The following BSX variants were observed in gnomAD, a reference collection of about 807,000 sequenced individuals.
BSX encodes the protein brain specific homeobox, also known as brain-specific homeobox protein homolog.
A neutral mutation model predicts 16.9 loss-of-function variants in BSX; 12 were observed. The ratio of observed to expected loss-of-function variants is 0.71; its 90% CI spans 0.46 to 1.15. The LOEUF is 1.15. Ranked by LOEUF, BSX falls within the 50% of genes most tolerant of loss-of-function variation. The pLI is 0.00. For missense variants in BSX, 292 were observed against 311.8 expected (o/e 0.94, Z 0.48); for synonymous variants, 160 against 136.4 (o/e 1.17, Z -1.20).
intron 2 of BSX, among the ~76,000 whole-genome samples, chr11:122,978,310 A>T (rs1216816257): frequency 6.6e-6 from 1 of 152,206 alleles, no homozygotes; most frequent in Non-Finnish European, 1.5e-5. Flanking sequence ...GGCAGAGCTA[A>T]TGATTTCATA....
At chr11:122,979,567 C>T (rs1864543405) in intron 1 of BSX, 110 bp from the exon 2 acceptor site, 4 of 854,398 alleles carry the variant, frequency 4.7e-6, no homozygotes, top group South Asian at 3.5e-5. Flanking sequence ...CGCCCCTCGC[C>T]TCCGTCAGTC....
At chr11:122,981,385 A>G (rs1378140532) in intron 1 of BSX, 25 bp downstream of exon 1, 4 of 1,497,616 alleles carry the variant, frequency 2.7e-6, no homozygotes, top group Middle Eastern at 1.8e-4. Flanking sequence ...CTCACTGCCC[A>G]TACCTTGAGG....
chr11:122,980,884 T>C (rs1315229157), intron 1 of BSX, among the ~76,000 whole-genome samples: 1 of 152,148 alleles, frequency 6.6e-6, no homozygotes, highest in Non-Finnish European at 1.5e-5. Flanking sequence ...TTCTGTCTTA[T>C]TCAGGCTAGC....
Position 122,981,829 on chromosome 11 carries a change from G to A in BSX, c.-158C>T. The A allele has an allele frequency of 4.3e-6, 3 of 703,986 alleles. No individual in the cohort carries two copies. The highest frequency in any genetic ancestry group is 2.8e-5 in the East Asian group (1 of 35,368). 43.6% of individuals were successfully genotyped at this position (703,986 alleles called of 1,614,324 possible). On this transcript the variant is annotated 5_prime_UTR_variant, in exon 1 of 3. Coordinates refer to ENST00000343035, the MANE Select transcript of BSX (RefSeq NM_001098169.2). ...GCTACCCCGGGCGCTGGAGAGGCAA[G>A]AAGACAAGCTCCTGGGTAGGTTGGG...
At chr11:122,978,191 A>G (rs1429863779) in intron 2 of BSX, among the ~76,000 whole-genome samples, 1 of 152,200 alleles carries the variant, frequency 6.6e-6, no homozygotes, top group African/African-American at 2.4e-5. Context: ...CGCTCAGCTG[A>G]TGTTCCTCTG....
chr11:122,977,938 T>G lies in BSX; in HGVS notation c.460-47A>C, dbSNP rs770727470. ...TAAAATCATGTCATTCCTCCAAATC[T>G]GAGCCATCGCTGGGGTTTAGGAAAA... On this transcript the variant is annotated intron_variant, in intron 2 of 2. Transcript: ENST00000343035. The surrounding 1 kb of genome is among the most constrained non-coding windows in gnomAD (Gnocchi z 4.5). The G allele has an allele frequency of 1.2e-5, 19 of 1,606,774 alleles. No homozygotes were observed. Among genetic ancestry groups the G allele is most frequent in the Middle Eastern group, 3.3e-4 (2 of 6,060 alleles).
At chr11:122,978,899 G>C (rs1203760773) in intron 2 of BSX, among the ~76,000 whole-genome samples, 6 of 144,614 alleles carry the variant, frequency 4.1e-5, no homozygotes, top group Admixed American at 3.6e-4. Context: ...TCCGCCTCCC[G>C]GGTTCAAGCG....
At position 122,977,594 on chromosome 11, in the gene BSX, C is replaced by G. The variant is rs1008782271; in HGVS notation, c.*55G>C. ...TGAGTCTTCCGGTCCAGGAGGGAAC[C>G]GCGCTCGGCCCCGCAGTCTCCTCCC... On this transcript the variant is annotated 3_prime_UTR_variant, in exon 3 of 3. Coordinates refer to ENST00000343035, the MANE Select transcript of BSX (RefSeq NM_001098169.2). This position sits in a 1 kb window ranked among gnomAD's most constrained non-coding sequence, Gnocchi z 4.5. The G allele has an allele frequency of 3.7e-5, 57 of 1,548,346 alleles. No homozygotes were observed. Among genetic ancestry groups the G allele is most frequent in the Non-Finnish European group, 4.3e-5 (50 of 1,158,176 alleles).
chr11:122,980,389 G>A (rs1194826560), intron 1 of BSX, among the ~76,000 whole-genome samples: 1 of 152,204 alleles, frequency 6.6e-6, no homozygotes, highest in African/African-American at 2.4e-5. Flanking sequence ...GACCACCGGA[G>A]CAGCTGAGAA....
chr11:122,980,854 C>A (rs1460209682), intron 1 of BSX, among the ~76,000 whole-genome samples: 1 of 152,130 alleles, frequency 6.6e-6, no homozygotes, highest in East Asian at 1.9e-4. Context: ...TCTCCCCCTA[C>A]CCCCCTTTTT....
intron 2 of BSX, 122 bp downstream of exon 2, chr11:122,979,139 G>C (rs1591411226): frequency 9.9e-7 from 1 of 1,006,320 alleles, no homozygotes; most frequent in Non-Finnish European, 1.5e-6. Context: ...CTTGGGAAAG[G>C]CTTAGAATAA....
rs773725820 is a variant in BSX at position 122,977,756 on chromosome 11, CGGCGGCGGT to C, written c.586_594del (p.Thr196_Ala198del). Reference sequence around the variant, plus strand: ...CCGGCGGGCAGGCTCAGCCGAGCCTCGGCGGCGGTGGCGGCCTCTGAACCGCGGGGGCTG... The same window carrying C: ...CCGGCGGGCAGGCTCAGCCGAGCCTCGGCGGCCTCTGAACCGCGGGGGCTG... On this transcript the variant is annotated inframe_deletion, in exon 3 of 3. Transcript: ENST00000343035. The surrounding 1 kb of genome is among the most constrained non-coding windows in gnomAD (Gnocchi z 4.5). 6 of 1,612,384 alleles carry C rather than the reference CGGCGGCGGT, an allele frequency of 3.7e-6. No homozygotes were observed. The highest frequency in any genetic ancestry group is 1.7e-4 in the Middle Eastern group (1 of 6,024).
Position 122,981,430 on chromosome 11 carries a change from G to A in BSX, c.242C>T (p.Pro81Leu). The change falls in exon 1 of 3, where the codon CCT (proline) becomes CTT (leucine). Residue 81 changes from proline to leucine, a missense_variant. By Grantham distance (98) the Pro-to-Leu change is moderately conservative. Transcript: ENST00000343035. The stretch of plus-strand genomic sequence containing the variant: ...CTTACCCGAGGTGGTGAGGAAATAA[G>A]GATGATGGTGGTCTCCCTTATGCAG... Reference protein sequence around the residue: ...HPLHKGDHHHPYFLTTSGMPV... With the variant: ...HPLHKGDHHHLYFLTTSGMPV... 1 of 1,548,452 alleles carries A rather than the reference G, an allele frequency of 6.5e-7. No homozygotes were observed. The highest frequency in any genetic ancestry group is 8.7e-7 in the Non-Finnish European group (1 of 1,143,042).
chr11:122,978,038 G>T (rs1024543139), intron 2 of BSX, 147 bp from the exon 3 acceptor site: 6 of 938,432 alleles, frequency 6.4e-6, no homozygotes, highest in South Asian at 4.4e-5. Flanking sequence ...GCCTTAAGCC[G>T]AATGAGAATC....
chr11:122,980,572 A>C (rs1431223620), intron 1 of BSX, among the ~76,000 whole-genome samples: 1 of 152,110 alleles, frequency 6.6e-6, no homozygotes, highest in African/African-American at 2.4e-5. Context: ...GGACTCAACG[A>C]ATTATTCTAT....
rs1458692731 is a variant in BSX, at chr11:122,981,527, C to T, written c.145G>A (p.Val49Met). 3 of 1,597,138 alleles carry T rather than the reference C, an allele frequency of 1.9e-6. No homozygotes were observed. Among genetic ancestry groups the T allele is most frequent in the Admixed American group, 3.5e-5 (2 of 57,406 alleles). ...GGGTAGCCATAGTCTAGCAGAGGCA[C>T]CCGAGAGGCCAGAGAGCTGGCGAAA... is the stretch of plus-strand genomic sequence containing the variant. ...DHFASSLASR[V>M]PLLDYGYPLM... The change falls in exon 1 of 3, where the codon GTG becomes ATG. Residue 49 changes from valine to methionine, a missense_variant. Physicochemically the swap from Val to Met is conservative, Grantham distance 21 (BLOSUM62 1). Around this residue, in one of 3 missense-constraint regions of BSX, gnomAD observed 176 missense variants for 187.2 expected, o/e 0.94. Transcript: ENST00000343035.
chr11:122,978,018 A>T, intron 2 of BSX, 127 bp from the exon 3 acceptor site: 1 of 1,125,338 alleles, frequency 8.9e-7, no homozygotes, highest in African/African-American at 1.6e-5. Flanking sequence ...TCAACTGCTC[A>T]TAAGTTATCG....
At position 122,977,732 on chromosome 11, in the gene BSX, C is replaced by G; in HGVS notation, c.619G>C (p.Gly207Arg). Residue 207 changes from glycine to arginine, a missense_variant, in exon 3 of 3, where the codon GGT (glycine) becomes CGT (arginine). Physicochemically the swap from Gly to Arg is moderately radical, Grantham distance 125. Coordinates refer to ENST00000343035, the MANE Select transcript of BSX (RefSeq NM_001098169.2). This position sits in a 1 kb window ranked among gnomAD's most constrained non-coding sequence, Gnocchi z 4.5. ...AAEARLSLPA[G>R]PFVLTEPEDE... ...TCTGGCTCGGTCAGCACGAAGGGAC[C>G]GGCGGGCAGGCTCAGCCGAGCCTCG... The G allele has an allele frequency of 1.9e-6, 3 of 1,609,190 alleles. No homozygotes were observed. Among genetic ancestry groups the G allele is most frequent in the Admixed American group, 1.7e-5 (1 of 59,972 alleles).
In BSX at chr11:122,981,790, T is replaced by C; in HGVS notation, c.-119A>G. 1 of 1,105,956 alleles carries C rather than the reference T, an allele frequency of 9.0e-7. No homozygotes were observed. Among genetic ancestry groups the C allele is most frequent in the Non-Finnish European group, 1.3e-6 (1 of 794,746 alleles). The allele number at this position is 1,105,956 out of a possible 1,614,324, so 68.5% of individuals were successfully genotyped here. A position where few individuals can be genotyped will look rare whatever the true frequency, so the allele number is the denominator to read the frequency against. On this transcript the variant is annotated 5_prime_UTR_variant, in exon 1 of 3. Coordinates refer to ENST00000343035, the MANE Select transcript of BSX (RefSeq NM_001098169.2). Reference sequence around the variant, plus strand: ...TCCGAGGCTCGAATCTCCGCTGCTCTCTCCCGGGCCTGGGCTACCCCGGGC... The same window carrying C: ...TCCGAGGCTCGAATCTCCGCTGCTCCCTCCCGGGCCTGGGCTACCCCGGGC...
Sources: allele counts gnomAD v4.1 joint callset (sites outside exome capture counted in the v4.1 genomes callset), GRCh38; gene constraint gnomAD v4.1.1; regional missense constraint gnomAD v4.1.1; non-coding constraint Gnocchi (gnomAD v3.1); transcripts MANE v1.5; gene names NCBI Gene and HGNC (gene_info 2026-07-23, HGNC 2026-07-21).